The following SASH1 variants were observed in gnomAD, a reference collection of about 807,000 sequenced individuals.
The protein encoded by SASH1 is SAM and SH3 domain-containing protein 1.
A neutral mutation model predicts 125.2 loss-of-function variants in SASH1; 44 were observed. The ratio of observed to expected loss-of-function variants is 0.35; its 90% CI spans 0.28 to 0.45. The LOEUF is 0.45. SASH1 is among the 20% of genes least tolerant of loss of function. The probability of loss-of-function intolerance (pLI) is 1.00; values close to 1 mark genes in which losing one functional copy is unlikely to be tolerated. For missense variants in SASH1, 1,426 were observed against 1,614.5 expected, an observed-to-expected ratio of 0.88 and a Z score of 2.00; for synonymous variants, 639 against 649.1, an observed-to-expected ratio of 0.98 and a Z score of 0.24.
chr6:148,257,628 C>CTTTTTTTTTTT, the SASH1 span, among the ~76,000 whole-genome samples: 1 of 127,134 alleles, frequency 7.9e-6, no homozygotes, highest in African/African-American at 3.0e-5. Context: ...TGTCAGTTTA[C>CTTTTTTTTTTT]TTTTTTTTTT....
chr6:148,516,942 T>C (rs1331332997), intron 9 of SASH1, among the ~76,000 whole-genome samples: 1 of 152,142 alleles, frequency 6.6e-6, no homozygotes, highest in East Asian at 1.9e-4. Context: ...TTCAAGTCCT[T>C]ATCCTGTCAG....
At chr6:148,479,045 CTT>C (rs35055729) in intron 7 of SASH1, 4,121 of 105,160 alleles carry the variant, frequency 0.039, 50 homozygotes, top group Non-Finnish European at 0.047. Context: ...GACTGCACTA[CTT>C]TTTTTTTTTT....
chr6:148,498,242 A>C lies in SASH1; in HGVS notation c.729+10527A>C, dbSNP rs575799316. Among the ~76,000 whole-genome samples the C allele has an allele frequency of 1.6e-3, 236 of 151,662 alleles. 3 individuals carry two copies. Among genetic ancestry groups the C allele is most frequent in the African/African-American group, 5.4e-3 (223 of 41,306 alleles). On this transcript the variant is annotated intron_variant, in intron 8 of 19. Coordinates refer to ENST00000367467, the MANE Select transcript of SASH1 (RefSeq NM_015278.5). ...CTACAAAAACAAACAAACAAAAAAA[A>C]AAAAACAAAAAAAACAAATTTAGCT...
At chr6:148,318,578 C>T (rs1304622145) in intron 1 of SASH1, among the ~76,000 whole-genome samples, 2 of 144,964 alleles carry the variant, frequency 1.4e-5, no homozygotes, top group East Asian at 2.0e-4. Flanking sequence ...TTTGAGACGG[C>T]GTCTCTTTCT....
intron 4 of SASH1, among the ~76,000 whole-genome samples, chr6:148,458,306 G>A (rs1174938145): frequency 2.0e-5 from 3 of 152,160 alleles, no homozygotes; most frequent in African/African-American, 4.8e-5. Context: ...AACATCTCAC[G>A]ATAAAGTTCT....
the SASH1 span, among the ~76,000 whole-genome samples, chr6:148,202,018 G>A: frequency 1.3e-5 from 2 of 151,950 alleles, no homozygotes; most frequent in African/African-American, 4.8e-5. Flanking sequence ...TTATCTCTTA[G>A]CCCCCACCGA....
At chr6:148,310,002 G>A (rs946944115) in intron 1 of SASH1, among the ~76,000 whole-genome samples, 1 of 152,146 alleles carries the variant, frequency 6.6e-6, no homozygotes, top group Non-Finnish European at 1.5e-5. Flanking sequence ...ATATAAACAA[G>A]CATAGTACAG....
chr6:148,376,076 T>A (rs1368410061), intron 1 of SASH1, among the ~76,000 whole-genome samples: 1 of 152,130 alleles, frequency 6.6e-6, no homozygotes, highest in Non-Finnish European at 1.5e-5. Context: ...CTGATTTTGT[T>A]TTTGATTTGA....
intron 2 of SASH1, among the ~76,000 whole-genome samples, chr6:148,396,360 C>G (rs1369298931): frequency 1.3e-5 from 2 of 151,328 alleles, no homozygotes; most frequent in Non-Finnish European, 2.9e-5. Context: ...CACCTATAAT[C>G]CCAGCTACTT....
intron 1 of SASH1, among the ~76,000 whole-genome samples, chr6:148,290,913 GA>G (rs1779616212): frequency 6.9e-6 from 1 of 144,608 alleles, no homozygotes; most frequent in Non-Finnish European, 1.5e-5. Context: ...GAGAAAAAAA[GA>G]AAAGGTTCTT....
intron 1 of SASH1, among the ~76,000 whole-genome samples, chr6:148,384,876 T>A (rs951879214): frequency 3.9e-5 from 6 of 152,162 alleles, no homozygotes; most frequent in African/African-American, 1.4e-4. Context: ...CCCACCCCCA[T>A]ATAACATAGA....
chr6:148,529,843 G>T lies in SASH1; in HGVS notation c.1429-1683G>T, dbSNP rs1475981283. Among the ~76,000 whole-genome samples, 1 of 151,718 alleles carries T rather than the reference G, an allele frequency of 6.6e-6. No individual in the cohort carries two copies. The highest frequency in any genetic ancestry group is 1.9e-4 in the East Asian group (1 of 5,192). ...TTGTTTTGAGACGGAGTGTCACTCT[G>T]TCACCCAGGCTGGAGTGCAATGGTG... On this transcript the variant is annotated intron_variant, in intron 12 of 19. Coordinates refer to ENST00000367467, the MANE Select transcript of SASH1 (RefSeq NM_015278.5). This position sits in a 1 kb window ranked among gnomAD's most constrained non-coding sequence, Gnocchi z 4.2.
chr6:148,401,332 C>G (rs1358610843), intron 2 of SASH1, among the ~76,000 whole-genome samples: 3 of 152,028 alleles, frequency 2.0e-5, no homozygotes, highest in Non-Finnish European at 4.4e-5. Context: ...AGGACACACA[C>G]TAGCTCATGG....
chr6:148,360,638 C>CA (rs1231850021), intron 1 of SASH1, among the ~76,000 whole-genome samples: 2 of 67,968 alleles, frequency 2.9e-5, no homozygotes, highest in Admixed American at 1.4e-4. Context: ...CGTGAGCCAC[C>CA]CCCCCGCCAG....
chr6:148,326,412 T>TTCTTC (rs1780830218), intron 1 of SASH1, among the ~76,000 whole-genome samples: 1 of 128,258 alleles, frequency 7.8e-6, no homozygotes, highest in Non-Finnish European at 1.6e-5. Flanking sequence ...TTCTTTTCTT[T>TTCTTC]TCTTTTTTTT....
intron 1 of SASH1, among the ~76,000 whole-genome samples, chr6:148,304,681 T>G (rs190481363): frequency 6.6e-6 from 1 of 152,276 alleles, no homozygotes; most frequent in East Asian, 1.9e-4. Flanking sequence ...AAAGAACTTT[T>G]TAAAGACCTA....
the SASH1 span, among the ~76,000 whole-genome samples, chr6:148,235,600 A>G: frequency 9.2e-5 from 14 of 152,308 alleles, no homozygotes; most frequent in East Asian, 7.7e-4. Context: ...CAGGAGCCCT[A>G]TGGTTGGCTC....
chr6:148,387,653 T>TTTCC (rs1783508731), intron 1 of SASH1, among the ~76,000 whole-genome samples: 1 of 97,616 alleles, frequency 1.0e-5, no homozygotes. Context: ...TCTTTCTTTC[T>TTTCC]TTCTTTCTTT....
the SASH1 span, among the ~76,000 whole-genome samples, chr6:148,263,225 G>C: frequency 6.6e-6 from 1 of 152,176 alleles, no homozygotes; most frequent in Non-Finnish European, 1.5e-5. Flanking sequence ...CCCCGAAGAA[G>C]CAGAAGGTGG....
Sources: gnomAD v4.1 joint callset for allele counts (sites outside exome capture counted in the v4.1 genomes callset) on GRCh38, gnomAD v4.1.1 for gene constraint, Gnocchi (gnomAD v3.1) non-coding constraint, MANE v1.5 for transcripts, NCBI Gene and HGNC (gene_info 2026-07-23, HGNC 2026-07-21) for gene names.